The following GIMAP8 variants were observed in gnomAD, a reference collection of about 807,000 sequenced individuals.
GIMAP8 encodes the protein GTPase, IMAP family member 8.
In GIMAP8, 29 loss-of-function variants were observed where a neutral mutation model predicts 35.6. That is an observed-to-expected ratio of 0.81 (90% CI 0.61 to 1.11). The LOEUF (loss-of-function observed/expected upper bound fraction) is 1.11. GIMAP8 is among the 50% of genes most tolerant of loss of function. The pLI is 0.00. For synonymous variants in GIMAP8, 335 were observed against 308.7 expected, an observed-to-expected ratio of 1.09 and a Z score of -0.89; for missense variants, 811 against 805.0, an observed-to-expected ratio of 1.01 and a Z score of -0.09.
intron 1 of GIMAP8, among the ~76,000 whole-genome samples, chr7:150,459,857 A>G (rs1482364581): frequency 6.6e-6 from 1 of 152,210 alleles, no homozygotes; most frequent in Non-Finnish European, 1.5e-5. Flanking sequence ...CAAGGATTGT[A>G]GTTTTGGCAA....
rs760966460 is a variant in GIMAP8 at position 150,477,673 on chromosome 7, TC to T, written c.1893del (p.Tyr633IlefsTer11). The T allele has an allele frequency of 1.2e-6, 2 of 1,614,182 alleles. No individual in the cohort carries two copies. Among genetic ancestry groups the T allele is most frequent in the Non-Finnish European group, 1.7e-6 (2 of 1,180,038 alleles). The part of the protein sequence containing the change: ...VNDLRKESGW[S>X]GYPHTQENVS... ...TGATCTGAGAAAAGAAAGTGGGTGG[TC>T]CGGGTATCCCCATACACAGGAGAAC... On this transcript the variant is annotated frameshift_variant, in exon 5 of 5. Coordinates refer to ENST00000307271, the MANE Select transcript of GIMAP8 (RefSeq NM_175571.4). LOFTEE classifies it low-confidence loss of function (END_TRUNC).
At chr7:150,476,420 G>A (rs919179806) in intron 4 of GIMAP8, among the ~76,000 whole-genome samples, 1 of 152,156 alleles carries the variant, frequency 6.6e-6, no homozygotes, top group Non-Finnish European at 1.5e-5. Flanking sequence ...TCTCCATCAT[G>A]GACACCACAC....
At chr7:150,458,824 C>T (rs1801782968) in intron 1 of GIMAP8, among the ~76,000 whole-genome samples, 1 of 152,174 alleles carries the variant, frequency 6.6e-6, no homozygotes, top group Non-Finnish European at 1.5e-5. Context: ...AAAATCAATA[C>T]ATCTTTTGTT....
chr7:150,476,407 C>T (rs939245824), intron 4 of GIMAP8, among the ~76,000 whole-genome samples: 2 of 152,234 alleles, frequency 1.3e-5, no homozygotes, highest in African/African-American at 2.4e-5. Context: ...AATTCATTCT[C>T]TTTCTCCATC....
chr7:150,467,468 TTGCAGG>T, intron 2 of GIMAP8, 134 bp downstream of exon 2: 1 of 740,772 alleles, frequency 1.3e-6, no homozygotes, highest in Non-Finnish European at 2.1e-6. Flanking sequence ...TATATATAAT[TTGCAGG>T]AATAAGAGGT....
chr7:150,457,099 T>C (rs1054251771), intron 1 of GIMAP8, among the ~76,000 whole-genome samples: 2 of 152,210 alleles, frequency 1.3e-5, no homozygotes, highest in Non-Finnish European at 2.9e-5. Flanking sequence ...CACCTATTTA[T>C]TGACAGTAAT....
chr7:150,477,226 AG>A lies in GIMAP8; in HGVS notation c.1446del (p.Thr483HisfsTer28). ...CACCAAGACCAGCCAGAGTGGCAGG[AG>A]GACATGGGACGGACAGGAGGTGGTG... ...PVTKTSQSGR[R>X]TWDGQEVVVV... On this transcript the variant is annotated frameshift_variant, in exon 5 of 5. Transcript: ENST00000307271. LOFTEE classifies it low-confidence loss of function (END_TRUNC). The A allele has an allele frequency of 6.3e-7, 1 of 1,599,596 alleles. No homozygotes were observed.
In GIMAP8 at chr7:150,477,599, C is replaced by T; in HGVS notation, c.1817C>T (p.Thr606Ile). 6.2e-7 allele frequency: 1 copy of T among 1,614,158 alleles called. No individual in the cohort carries two copies. The highest frequency in any genetic ancestry group is 8.5e-7 in the Non-Finnish European group (1 of 1,180,026). ...GTTTGTGCTTTTAACAACAAAGAAA[C>T]AGGCCAGGCCCAGGAAACCCAGGTG... is the stretch of plus-strand genomic sequence containing the variant. ...RRVCAFNNKE[T>I]GQAQETQVKA... The change falls in exon 5 of 5, where the codon ACA (threonine) becomes ATA (isoleucine). Residue 606 changes from threonine (T) to isoleucine (I), a missense_variant. Physicochemically the swap from Thr to Ile is moderately conservative, Grantham distance 89. Coordinates refer to ENST00000307271, the MANE Select transcript of GIMAP8 (RefSeq NM_175571.4).
At chr7:150,453,846 T>G (rs1585110070) in intron 1 of GIMAP8, among the ~76,000 whole-genome samples, 3 of 92,644 alleles carry the variant, frequency 3.2e-5, no homozygotes, top group African/African-American at 4.3e-5. Context: ...GTGGCAGTGG[T>G]GGGTGCTGGG....
intron 1 of GIMAP8, among the ~76,000 whole-genome samples, chr7:150,459,921 A>G (rs1298655394): frequency 6.6e-6 from 1 of 152,246 alleles, no homozygotes; most frequent in African/African-American, 2.4e-5. Context: ...GTCTATTTTG[A>G]TAAGAACAAA....
chr7:150,466,263 T>C (rs897120401), intron 1 of GIMAP8, among the ~76,000 whole-genome samples: 1 of 152,210 alleles, frequency 6.6e-6, no homozygotes, highest in African/African-American at 2.4e-5. Flanking sequence ...GAATACAGAT[T>C]TCTAGGATCT....
chr7:150,457,693 T>C (rs1337239310), intron 1 of GIMAP8, among the ~76,000 whole-genome samples: 4 of 152,110 alleles, frequency 2.6e-5, no homozygotes, highest in African/African-American at 7.2e-5. Context: ...GAAGGGCCAG[T>C]CCAAATAACC....
In GIMAP8 at chr7:150,477,758, A is replaced by T. The variant is rs199667753; in HGVS notation, c.1976A>T (p.Asn659Ile). 2 of 1,613,156 alleles carry T rather than the reference A, an allele frequency of 1.2e-6. No homozygotes were observed. The highest frequency in any genetic ancestry group is 1.3e-5 in the African/African-American group (1 of 74,728). The change falls in exon 5 of 5, where the codon AAT becomes ATT. Residue 659 changes from asparagine to isoleucine, a missense_variant. Physicochemically the swap from Asn to Ile is moderately radical, Grantham distance 149. Coordinates refer to ENST00000307271, the MANE Select transcript of GIMAP8 (RefSeq NM_175571.4). ...TCCCAAGCCGAAAAACTCCTTAAAA[A>T]TTTAATAGGTATTTTACAATAGGTA... Reference protein sequence around the residue: ...EMSQAEKLLKNLIGILQ With the variant: ...EMSQAEKLLKILIGILQ
In GIMAP8 at chr7:150,478,882, TGA is replaced by T. The variant is rs1017888289; in HGVS notation, c.*1109_*1110del. 1.3e-5 allele frequency: 2 copies of T among 152,246 alleles called. No individual in the cohort carries two copies. The highest frequency in any genetic ancestry group is 4.8e-5 in the African/African-American group (2 of 41,458). 9.4% of individuals were successfully genotyped at this position (152,246 alleles called of 1,614,324 possible). ...ATTATTTTGAGAGGTGGGTGATATGTGAGAGAGAAATCTGGAACCTTCTTCTG... is the reference window on the plus strand; with the variant it reads ...ATTATTTTGAGAGGTGGGTGATATGTGAGAGAAATCTGGAACCTTCTTCTG... On this transcript the variant is annotated 3_prime_UTR_variant, in exon 5 of 5. Transcript: ENST00000307271.
In GIMAP8 at chr7:150,450,720, C is replaced by T. The variant is rs1425798203; in HGVS notation, c.-484C>T. 6.6e-6 allele frequency: 1 copy of T among 152,546 alleles called. No individual in the cohort carries two copies. Among genetic ancestry groups the T allele is most frequent in the Non-Finnish European group, 1.5e-5 (1 of 68,312 alleles). The allele number at this position is 152,546 out of a possible 1,614,324, so 9.4% of individuals were successfully genotyped here. A position where few individuals can be genotyped will look rare whatever the true frequency, so the allele number is the denominator to read the frequency against. Reference sequence around the variant, plus strand: ...CGTCCTTTTCCTGCCCTATCCAAGCCCCTGTTCTTGCAGCCCTTCTGAAGC... The same window carrying T: ...CGTCCTTTTCCTGCCCTATCCAAGCTCCTGTTCTTGCAGCCCTTCTGAAGC... On this transcript the variant is annotated 5_prime_UTR_variant, in exon 1 of 5. Transcript: ENST00000307271. The surrounding 1 kb of genome is among the most constrained non-coding windows in gnomAD (Gnocchi z 4.4).
At chr7:150,469,250 G>C (rs1370824065) in intron 2 of GIMAP8, among the ~76,000 whole-genome samples, 1 of 152,090 alleles carries the variant, frequency 6.6e-6, no homozygotes, top group Non-Finnish European at 1.5e-5. Context: ...ATCCCACCCT[G>C]TACCAGGTTT....
chr7:150,469,358 TC>T (rs1802039468), intron 2 of GIMAP8, among the ~76,000 whole-genome samples: 1 of 152,166 alleles, frequency 6.6e-6, no homozygotes, highest in Non-Finnish European at 1.5e-5. Flanking sequence ...CCCCACAGCT[TC>T]CTTTCCTCAT....
At position 150,474,196 on chromosome 7, in the gene GIMAP8, G is replaced by C; in HGVS notation, c.867G>C (p.Glu289Asp). ...CAGTAACCCAGAGCTTCTTGTCTGA[G>C]AGCAGAAGCTGGAGAAAAAAGAAAG... is the stretch of plus-strand genomic sequence containing the variant. ...EQSVTQSFLS[E>D]SRSWRKKKVS... The change falls in exon 4 of 5, where the codon GAG (glutamate) becomes GAC (aspartate). Residue 289 changes from glutamate to aspartate, a missense_variant. Coordinates refer to ENST00000307271, the MANE Select transcript of GIMAP8 (RefSeq NM_175571.4). The C allele has an allele frequency of 1.9e-6, 3 of 1,614,206 alleles. No individual in the cohort carries two copies. The highest frequency in any genetic ancestry group is 2.5e-6 in the Non-Finnish European group (3 of 1,180,034).
intron 3 of GIMAP8, among the ~76,000 whole-genome samples, chr7:150,471,804 C>A (rs371889847): frequency 6.6e-6 from 1 of 151,778 alleles, no homozygotes; most frequent in Admixed American, 6.6e-5. Context: ...GCCACTTTAC[C>A]CCAGTCTGGG....
Sources: allele counts gnomAD v4.1 joint callset (sites outside exome capture counted in the v4.1 genomes callset), GRCh38; gene constraint gnomAD v4.1.1; non-coding constraint Gnocchi (gnomAD v3.1); transcripts MANE v1.5; gene names NCBI Gene and HGNC (gene_info 2026-07-23, HGNC 2026-07-21).